The following ZNF821 variants were observed in gnomAD, a reference collection of about 807,000 sequenced individuals.
The protein encoded by ZNF821 is zinc finger protein 821.
In ZNF821, 16 loss-of-function variants were observed where a neutral mutation model predicts 44.3. The ratio of observed to expected loss-of-function variants is 0.36; its 90% CI spans 0.24 to 0.55. The LOEUF is 0.55. ZNF821 is among the 20% of genes least tolerant of loss of function. The pLI, the probability that ZNF821 is intolerant of heterozygous loss-of-function variation, is 0.86. For synonymous variants in ZNF821, 204 were observed against 197.6 expected (o/e 1.03, Z -0.27); for missense variants, 436 against 547.6 (o/e 0.80, Z 2.03).
chr16:71,886,804 A>G (rs548481070), upstream of ZNF821, among the ~76,000 whole-genome samples: 4 of 152,350 alleles, frequency 2.6e-5, no homozygotes, highest in South Asian at 8.3e-4. Context: ...TCCCATACCC[A>G]GTAGCAGTAA....
At chr16:71,880,942 C>G (rs924796186) in intron 2 of ZNF821, among the ~76,000 whole-genome samples, 4 of 152,156 alleles carry the variant, frequency 2.6e-5, no homozygotes, top group Non-Finnish European at 5.9e-5. Context: ...TCCTGATTAA[C>G]TACAGAAAGA....
intron 3 of ZNF821, 62 bp downstream of exon 3, chr16:71,879,845 G>T (rs2036243525): frequency 2.0e-6 from 3 of 1,493,954 alleles, no homozygotes; most frequent in African/African-American, 1.4e-5. Flanking sequence ...CTAAATTCAG[G>T]TTACTCTTCC....
chr16:71,885,702 T>C (rs2036825253), upstream of ZNF821, among the ~76,000 whole-genome samples: 1 of 152,242 alleles, frequency 6.6e-6, no homozygotes, highest in Non-Finnish European at 1.5e-5. Flanking sequence ...TGAGGGATCT[T>C]GGTCCTTCAC....
rs558042165 is a variant in ZNF821 at position 71,861,594 on chromosome 16, A to G, written c.584+182T>C. 2.0e-5 allele frequency among the ~76,000 whole-genome samples: 3 copies of G among 152,252 alleles called. No individual in the cohort carries two copies. In the East Asian group the frequency reaches 5.8e-4, roughly 29 times the overall value. On this transcript the variant is annotated intron_variant, in intron 7 of 7. Coordinates refer to ENST00000425432, the MANE Select transcript of ZNF821 (RefSeq NM_001201552.2). Reference sequence around the variant, plus strand: ...CTGATGGGAAAATAAATGGGAATTCATTTTCCTTTGGGGCTATGTGAGGGA... The same window carrying G: ...CTGATGGGAAAATAAATGGGAATTCGTTTTCCTTTGGGGCTATGTGAGGGA...
intron 3 of ZNF821, among the ~76,000 whole-genome samples, chr16:71,874,849 G>T (rs762746609): frequency 6.6e-6 from 1 of 152,194 alleles, no homozygotes; most frequent in Non-Finnish European, 1.5e-5. Flanking sequence ...CACATGGTCA[G>T]AAAATGAAAT....
At chr16:71,864,822 T>TAA in intron 5 of ZNF821, 81 bp downstream of exon 5, 2 of 1,567,212 alleles carry the variant, frequency 1.3e-6, no homozygotes, top group Non-Finnish European at 1.7e-6. Flanking sequence ...GGCAAGACTG[T>TAA]GCCACAGGGG....
rs1454108691 is a variant in ZNF821, at chr16:71,860,474, A to G, written c.783T>C (p.Arg261=). ...QTPSVRKWAL[R]RQNEPLEVRL... ...GTACTTCCAAAGGCTCATTCTGTCG[A>G]CGTAGAGCCCACTTGCGTACACTGG... Residue 261 remains arginine, a synonymous_variant, in exon 8 of 8, where the codon CGT becomes CGC. Transcript: ENST00000425432. This position sits in a 1 kb window ranked among gnomAD's most constrained non-coding sequence, Gnocchi z 7.3. 1 of 1,614,042 alleles carries G rather than the reference A, an allele frequency of 6.2e-7. No individual in the cohort carries two copies. Among genetic ancestry groups the G allele is most frequent in the Non-Finnish European group, 8.5e-7 (1 of 1,179,998 alleles).
At chr16:71,888,401 TC>T (rs1417345900), upstream of ZNF821, among the ~76,000 whole-genome samples, 1 of 152,124 alleles carries the variant, frequency 6.6e-6, no homozygotes, top group African/African-American at 2.4e-5. Flanking sequence ...GTTTTTTAGC[TC>T]CTACATTTAG....
chr16:71,879,697 A>G (rs13334337), intron 3 of ZNF821, among the ~76,000 whole-genome samples: 35 of 152,260 alleles, frequency 2.3e-4, no homozygotes, highest in African/African-American at 7.7e-4. Flanking sequence ...CACCTCCCCC[A>G]GCAACCAGAC....
At chr16:71,878,915 C>T (rs903717665) in intron 3 of ZNF821, among the ~76,000 whole-genome samples, 9 of 148,488 alleles carry the variant, frequency 6.1e-5, no homozygotes, top group African/African-American at 2.2e-4. Flanking sequence ...CAGAGCGAGA[C>T]TCTGTCTCAA....
rs543947156 is a variant in ZNF821 at position 71,868,683 on chromosome 16, C to A, written c.41-646G>T. Among the ~76,000 whole-genome samples the A allele has an allele frequency of 1.0e-3, 157 of 151,720 alleles. 1 individual carries two copies. Among genetic ancestry groups the A allele is most frequent in the African/African-American group, 3.7e-3 (152 of 41,424 alleles). On this transcript the variant is annotated intron_variant, in intron 3 of 7. Transcript: ENST00000425432. Reference sequence around the variant, plus strand: ...ATATGAACTCACTTCTGCAGAAGAACAAACTTCCTGAAACACACTGCTAAT... The same window carrying A: ...ATATGAACTCACTTCTGCAGAAGAAAAAACTTCCTGAAACACACTGCTAAT...
At chr16:71,877,833 T>C (rs1486446719) in intron 3 of ZNF821, among the ~76,000 whole-genome samples, 1 of 150,878 alleles carries the variant, frequency 6.6e-6, no homozygotes. Context: ...GGTGGGAGGA[T>C]CGCTTGAGCC....
chr16:71,872,760 G>A (rs537283986), intron 3 of ZNF821, among the ~76,000 whole-genome samples: 2 of 152,294 alleles, frequency 1.3e-5, no homozygotes, highest in African/African-American at 4.8e-5. Context: ...TTTACTTCAC[G>A]AGGATGCTAA....
intron 3 of ZNF821, among the ~76,000 whole-genome samples, chr16:71,879,535 C>T (rs1417734537): frequency 6.6e-6 from 1 of 152,086 alleles, no homozygotes; most frequent in Non-Finnish European, 1.5e-5. Context: ...ATTTATATAT[C>T]TGAGGTTACA....
At chr16:71,879,517 T>C (rs2142463545) in intron 3 of ZNF821, among the ~76,000 whole-genome samples, 1 of 152,260 alleles carries the variant, frequency 6.6e-6, no homozygotes, top group South Asian at 2.1e-4. Context: ...GCATATACTA[T>C]CATTCATATT....
intron 6 of ZNF821, among the ~76,000 whole-genome samples, chr16:71,862,764 G>A (rs1182810053): frequency 6.6e-6 from 1 of 152,336 alleles, no homozygotes; most frequent in East Asian, 1.9e-4. Context: ...AGGCTGCCAT[G>A]TGTGCTGATA....
rs138788574 is a variant in ZNF821, at chr16:71,861,868, T to C, written c.492A>G (p.Ser164=). ...AGTGGATTAAGAGGTGGCGACCCAA[T>C]GACCCCGGGGAGCTAAGGGCCCGGC... ...VCGRALSSPG[S]LGRHLLIHSE... is the part of the protein sequence containing the mutation. The change falls in exon 7 of 8, where the codon TCA becomes TCG. Residue 164 remains serine, a synonymous_variant. Transcript: ENST00000425432. 27 of 1,614,020 alleles carry C rather than the reference T, an allele frequency of 1.7e-5. No individual in the cohort carries two copies. The highest frequency in any genetic ancestry group is 2.7e-5 in the African/African-American group (2 of 74,900).
chr16:71,894,149 C>T (rs1227563846), intron 1 of ZNF821: 1 of 152,182 alleles, frequency 6.6e-6, no homozygotes, highest in Non-Finnish European at 1.5e-5. Context: ...TTCACATCAA[C>T]ATCTTATGAT....
chr16:71,872,262 TAA>T (rs777756185), intron 3 of ZNF821, among the ~76,000 whole-genome samples: 92 of 151,944 alleles, frequency 6.1e-4, no homozygotes, highest in Non-Finnish European at 1.2e-3. Flanking sequence ...TTGGTGCAGT[TAA>T]ACAAATGTAA....
Sources: gnomAD v4.1 joint callset for allele counts (sites outside exome capture counted in the v4.1 genomes callset) on GRCh38, gnomAD v4.1.1 for gene constraint, Gnocchi (gnomAD v3.1) non-coding constraint, MANE v1.5 for transcripts, NCBI Gene and HGNC (gene_info 2026-07-23, HGNC 2026-07-21) for gene names.